Variants in CNTLN observed in about 807,000 individuals in gnomAD.
The protein encoded by CNTLN is centlein, centrosomal protein.
CNTLN carries 212 observed loss-of-function variants against 180.0 expected under a neutral mutation model. The observed-to-expected ratio is 1.18, with a 90% confidence interval of 1.05 to 1.32. The LOEUF (loss-of-function observed/expected upper bound fraction) is 1.32, where lower values mean the gene tolerates loss of function less well. CNTLN is among the 40% of genes most tolerant of loss of function. The pLI is 0.00. For missense variants in CNTLN, 2,095 were observed against 1,610.9 expected (o/e 1.30, Z -5.14); for synonymous variants, 722 against 563.1 (o/e 1.28, Z -3.99).
At chr9:17,343,842 C>A (rs12379538) in intron 12 of CNTLN, among the ~76,000 whole-genome samples, 1 of 151,942 alleles carries the variant, frequency 6.6e-6, no homozygotes, top group East Asian at 1.9e-4. Flanking sequence ...CCCAGCCCTC[C>A]CATCCATCCT....
chr9:17,392,233 C>G (rs1826172113), intron 14 of CNTLN, among the ~76,000 whole-genome samples: 1 of 152,108 alleles, frequency 6.6e-6, no homozygotes, highest in Non-Finnish European at 1.5e-5. Flanking sequence ...CCATGGCACT[C>G]CAGCCTGGGC....
intron 23 of CNTLN, among the ~76,000 whole-genome samples, chr9:17,480,234 T>C (rs1385076798): frequency 6.6e-6 from 1 of 151,874 alleles, no homozygotes; most frequent in East Asian, 1.9e-4. Context: ...TCAACAAACA[T>C]TACAAGTCAT....
intron 13 of CNTLN, among the ~76,000 whole-genome samples, chr9:17,382,954 C>T (rs1428456862): frequency 2.6e-5 from 4 of 152,180 alleles, no homozygotes; most frequent in Non-Finnish European, 4.4e-5. Context: ...AGTGCTTTAG[C>T]GTTTAACCTC....
At chr9:17,142,629 A>C (rs1171018224) in intron 1 of CNTLN, among the ~76,000 whole-genome samples, 1 of 152,160 alleles carries the variant, frequency 6.6e-6, no homozygotes, top group East Asian at 1.9e-4. Flanking sequence ...ATATGAGGTC[A>C]CCTAGGGCAG....
intron 15 of CNTLN, among the ~76,000 whole-genome samples, chr9:17,405,342 A>T (rs956658004): frequency 4.6e-5 from 7 of 151,682 alleles, no homozygotes; most frequent in Admixed American, 4.6e-4. Context: ...AATACCACAG[A>T]CTGGATAACT....
chr9:17,501,368 G>T (rs1374372014), intron 25 of CNTLN, among the ~76,000 whole-genome samples: 2 of 152,194 alleles, frequency 1.3e-5, no homozygotes, highest in Admixed American at 6.5e-5. Context: ...ATCAGATGTG[G>T]TCTCTATTTC....
chr9:17,194,370 T>A (rs1303646233), intron 2 of CNTLN, among the ~76,000 whole-genome samples: 1 of 152,242 alleles, frequency 6.6e-6, no homozygotes, highest in East Asian at 1.9e-4. Context: ...CCAAGTCACC[T>A]CTTGAATGCT....
At chr9:17,234,611 C>A (rs141372612) in intron 3 of CNTLN, among the ~76,000 whole-genome samples, 1 of 151,576 alleles carries the variant, frequency 6.6e-6, no homozygotes, top group African/African-American at 2.4e-5. Flanking sequence ...TAAAATAAAT[C>A]GATATTTAGG....
intron 2 of CNTLN, among the ~76,000 whole-genome samples, chr9:17,223,839 A>T (rs1322004777): frequency 6.6e-6 from 1 of 152,016 alleles, no homozygotes; most frequent in Non-Finnish European, 1.5e-5. Flanking sequence ...TTTTATCCCC[A>T]GTGATTTCTC....
At chr9:17,201,797 T>A (rs1822550961) in intron 2 of CNTLN, among the ~76,000 whole-genome samples, 1 of 152,130 alleles carries the variant, frequency 6.6e-6, no homozygotes, top group Admixed American at 6.6e-5. Flanking sequence ...CTGGATTCAT[T>A]GATTTTTTTT....
intron 2 of CNTLN, among the ~76,000 whole-genome samples, chr9:17,215,862 T>A (rs1587193600): frequency 6.6e-6 from 1 of 151,936 alleles, no homozygotes; most frequent in Non-Finnish European, 1.5e-5. Context: ...AGGCGCGGGG[T>A]ATAATCTCCT....
rs746316911 is a variant in CNTLN at position 17,487,139 on chromosome 9, C to T, written c.4119+73C>T. ...CAAGCCTTACATTTTCACCAGATGT[C>T]TAACTTTTTGTAAACACTTCCCCAT... is the stretch of plus-strand genomic sequence containing the variant. On this transcript the variant is annotated intron_variant, in intron 25 of 25. Coordinates refer to ENST00000380647, the MANE Select transcript of CNTLN (RefSeq NM_017738.4). 5 of 1,030,246 alleles carry T rather than the reference C, an allele frequency of 4.9e-6. No individual in the cohort carries two copies. In the Admixed American group the frequency reaches 9.6e-5, roughly 20 times the overall value. The allele number at this position is 1,030,246 out of a possible 1,614,324, so 63.8% of individuals were successfully genotyped here. A position where few individuals can be genotyped will look rare whatever the true frequency, so the allele number is the denominator to read the frequency against.
chr9:17,442,600 T>C (rs994287802), intron 18 of CNTLN, among the ~76,000 whole-genome samples: 2 of 152,170 alleles, frequency 1.3e-5, no homozygotes, highest in African/African-American at 2.4e-5. Flanking sequence ...GGTTTCGCCA[T>C]GTTGACCAGG....
At chr9:17,478,327 T>G (rs1159422653) in intron 23 of CNTLN, among the ~76,000 whole-genome samples, 1 of 152,142 alleles carries the variant, frequency 6.6e-6, no homozygotes, top group African/African-American at 2.4e-5. Context: ...CTATCAGATA[T>G]GTGATTTGAA....
rs867354687 is a variant in CNTLN at position 17,247,779 on chromosome 9, C to T, written c.849+11191C>T. On this transcript the variant is annotated intron_variant, in intron 5 of 25. Coordinates refer to ENST00000380647, the MANE Select transcript of CNTLN (RefSeq NM_017738.4). ...TATTGGATTTTGCCAAATACTTTTA[C>T]TTTTTTTTTTTTTTTTGCATCTATT... 8.0e-3 allele frequency among the ~76,000 whole-genome samples: 870 copies of T among 108,396 alleles called. 15 individuals are homozygous for T. The highest frequency in any genetic ancestry group is 0.028 in the African/African-American group (808 of 29,374). The allele number at this position is 108,396 out of a possible 152,430, so 71.1% of individuals were successfully genotyped here. A position where few individuals can be genotyped will look rare whatever the true frequency, so the allele number is the denominator to read the frequency against.
intron 13 of CNTLN, among the ~76,000 whole-genome samples, chr9:17,376,910 C>G (rs1208838942): frequency 6.6e-6 from 1 of 152,084 alleles, no homozygotes; most frequent in African/African-American, 2.4e-5. Context: ...GAACTGTAAA[C>G]TTTAAATAAA....
At chr9:17,336,724 T>G (rs1471105289) in intron 10 of CNTLN, among the ~76,000 whole-genome samples, 1 of 152,228 alleles carries the variant, frequency 6.6e-6, no homozygotes, top group Non-Finnish European at 1.5e-5. Flanking sequence ...AAAAAAATTA[T>G]ACTTTAAGTT....
intron 8 of CNTLN, among the ~76,000 whole-genome samples, chr9:17,312,401 T>A (rs187936508): frequency 0.022 from 3,070 of 138,448 alleles, 118 homozygotes; most frequent in African/African-American, 0.078. Context: ...TTATTTATTT[T>A]TTTGATACAG....
intron 2 of CNTLN, among the ~76,000 whole-genome samples, chr9:17,219,136 A>G (rs1361052576): frequency 3.3e-5 from 5 of 152,172 alleles, no homozygotes. Context: ...GAAGTCGGCA[A>G]ATATTCTTCG....
Sources: gnomAD v4.1 joint callset for allele counts (sites outside exome capture counted in the v4.1 genomes callset) on GRCh38, gnomAD v4.1.1 for gene constraint, MANE v1.5 for transcripts, NCBI Gene and HGNC (gene_info 2026-07-23, HGNC 2026-07-21) for gene names.